Variants in YBEY observed in about 807,000 individuals in gnomAD.
The protein encoded by YBEY is endoribonuclease YbeY.
In YBEY, 15 loss-of-function variants were observed where a neutral mutation model predicts 13.5. The observed-to-expected ratio is 1.11, with a 90% CI of 0.75 to 1.72. YBEY has a LOEUF of 1.72. YBEY is among the 40% of genes most tolerant of loss of function. The pLI, the probability that YBEY is intolerant of heterozygous loss-of-function variation, is 0.00. For synonymous variants in YBEY, 101 were observed against 83.1 expected (o/e 1.21, Z -1.17); for missense variants, 244 against 208.4 (o/e 1.17, Z -1.05).
At chr21:46,307,971 A>T in the YBEY span, among the ~76,000 whole-genome samples, 4 of 152,234 alleles carry the variant, frequency 2.6e-5, no homozygotes, top group South Asian at 8.3e-4. Flanking sequence ...AATGCTGCAG[A>T]CACTAGATAA....
chr21:46,303,679 C>G, the YBEY span, among the ~76,000 whole-genome samples: 1 of 14,096 alleles, frequency 7.1e-5, no homozygotes, highest in Non-Finnish European at 1.2e-4. Flanking sequence ...CTCATCTCTA[C>G]ACACACACAC....
chr21:46,308,219 T>C, the YBEY span, among the ~76,000 whole-genome samples: 1 of 151,968 alleles, frequency 6.6e-6, no homozygotes, highest in Non-Finnish European at 1.5e-5. Flanking sequence ...TCCCAGCACT[T>C]TGGGAGGCCG....
chr21:46,302,470 G>T, downstream of YBEY: 2 of 1,586,826 alleles, frequency 1.3e-6, no homozygotes, highest in East Asian at 2.3e-5. Flanking sequence ...GGGTTCTGCT[G>T]GGGGCTAAGC....
At chr21:46,312,995 C>T in the YBEY span, 1 of 985,394 alleles carries the variant, frequency 1.0e-6, no homozygotes, top group East Asian at 1.1e-4. Flanking sequence ...CTGTTTTATC[C>T]TCTTCTAGCT....
chr21:46,300,782 G>A, downstream of YBEY: 1 of 1,289,238 alleles, frequency 7.8e-7, no homozygotes, highest in Non-Finnish European at 1.0e-6. Context: ...CTTCAGGAAT[G>A]AAAGAATCTG....
downstream of YBEY, among the ~76,000 whole-genome samples, chr21:46,299,077 C>T (rs1277820498): frequency 1.4e-5 from 2 of 139,964 alleles, no homozygotes; most frequent in Non-Finnish European, 3.0e-5. Context: ...AGTGATTCTC[C>T]TGCCTGAGCC....
chr21:46,309,961 C>T, the YBEY span, among the ~76,000 whole-genome samples: 1 of 152,112 alleles, frequency 6.6e-6, no homozygotes, highest in South Asian at 2.1e-4. Context: ...CACGCCACTG[C>T]ACTCCAGCCT....
At chr21:46,290,325 C>G (rs1286396280) in intron 2 of YBEY, among the ~76,000 whole-genome samples, 1 of 152,104 alleles carries the variant, frequency 6.6e-6, no homozygotes, top group Non-Finnish European at 1.5e-5. Context: ...CCTGCCTCAG[C>G]CTCCCGAGTA....
Position 46,291,018 on chromosome 21 carries a change from G to GAA in YBEY, c.211-316_211-315insAA, listed in dbSNP as rs528025616. On this transcript the variant is annotated intron_variant, in intron 2 of 4. Coordinates refer to ENST00000397701, the MANE Select transcript of YBEY (RefSeq NM_001314025.2). ...GCAACAAGAGGGAAACTCTGTCTCA[G>GAA]GAAAAAAAAAAAAAAAAGAAATACA... is the stretch of plus-strand genomic sequence containing the variant. 1.0e-3 allele frequency among the ~76,000 whole-genome samples: 136 copies of GAA among 134,032 alleles called. 4 individuals carry two copies. Among genetic ancestry groups the GAA allele is most frequent in the South Asian group, 1.9e-3 (8 of 4,258 alleles). The allele number at this position is 134,032 out of a possible 152,430, so 87.9% of individuals were successfully genotyped here.
downstream of YBEY, among the ~76,000 whole-genome samples, chr21:46,299,681 C>T (rs2082059804): frequency 6.6e-6 from 1 of 152,110 alleles, no homozygotes; most frequent in African/African-American, 2.4e-5. Context: ...GTCCCTGGGT[C>T]ATCTTCAACC....
chr21:46,306,499 G>C, the YBEY span, among the ~76,000 whole-genome samples: 1 of 149,306 alleles, frequency 6.7e-6, no homozygotes, highest in Non-Finnish European at 1.5e-5. Context: ...CTCCCATCTC[G>C]AAAAAAAAAA....
Position 46,297,556 on chromosome 21 carries a change from G to A in YBEY, c.426G>A (p.Lys142=). 7.2e-7 allele frequency: 1 copy of A among 1,395,224 alleles called. No individual in the cohort carries two copies. 86.4% of individuals were successfully genotyped at this position (1,395,224 alleles called of 1,614,324 possible). A position where few individuals can be genotyped will look rare whatever the true frequency, so the allele number is the denominator to read the frequency against. Residue 142 remains lysine (K), a synonymous_variant, in exon 5 of 5, where the codon AAG becomes AAA. Transcript: ENST00000397701. ...AEWQQMFQKE[K]AVLDELGRRT... is the part of the protein sequence containing the mutation. Reference sequence around the variant, plus strand: ...CCTTCCAGATGTTCCAGAAGGAGAAGGCGGTGCTGGACGAGCTGGGCCGAC... The same window carrying A: ...CCTTCCAGATGTTCCAGAAGGAGAAAGCGGTGCTGGACGAGCTGGGCCGAC...
chr21:46,309,116 C>T, the YBEY span, among the ~76,000 whole-genome samples: 5 of 151,912 alleles, frequency 3.3e-5, no homozygotes, highest in Non-Finnish European at 7.4e-5. Context: ...GTCAGGAGTT[C>T]GAGACCAGTC....
At chr21:46,288,185 TAAAC>T (rs759826363) in intron 2 of YBEY, among the ~76,000 whole-genome samples, 6 of 152,104 alleles carry the variant, frequency 3.9e-5, no homozygotes, top group Non-Finnish European at 5.9e-5. Flanking sequence ...ACACTGAAAA[TAAAC>T]AGACTGGGGT....
chr21:46,294,525 CGTGCCCGGG>C, intron 3 of YBEY, among the ~76,000 whole-genome samples: 1 of 65,830 alleles, frequency 1.5e-5, no homozygotes, highest in African/African-American at 7.4e-5. Flanking sequence ...TAGCCTGACC[CGTGCCCGGG>C]ACTCAGTGGA....
At chr21:46,298,518 CGCCG>C (rs2082025817), downstream of YBEY, among the ~76,000 whole-genome samples, 3 of 141,734 alleles carry the variant, frequency 2.1e-5, no homozygotes, top group Admixed American at 7.7e-5. Flanking sequence ...AGGCTCCGCC[CGCCG>C]GGGTTCACGC....
At chr21:46,308,811 G>C in the YBEY span, among the ~76,000 whole-genome samples, 1 of 152,100 alleles carries the variant, frequency 6.6e-6, no homozygotes, top group Non-Finnish European at 1.5e-5. Flanking sequence ...GATTTCATGG[G>C]TTAATGTGTT....
chr21:46,295,009 G>A (rs756821016), intron 3 of YBEY, among the ~76,000 whole-genome samples: 6 of 152,146 alleles, frequency 3.9e-5, no homozygotes, highest in Non-Finnish European at 8.8e-5. Flanking sequence ...CACCCTGCTG[G>A]GGAAGAGGGA....
At chr21:46,302,188 C>T (rs1433752913), downstream of YBEY, 2 of 1,440,442 alleles carry the variant, frequency 1.4e-6, no homozygotes, top group African/African-American at 1.4e-5. Context: ...TAGGACGCAG[C>T]CCAGGCTGCT....
Sources: allele counts gnomAD v4.1 joint callset (sites outside exome capture counted in the v4.1 genomes callset), GRCh38; gene constraint gnomAD v4.1.1; transcripts MANE v1.5; gene names NCBI Gene and HGNC (gene_info 2026-07-23, HGNC 2026-07-21).